CYP39A1: variants seen among roughly 807,000 people sequenced by gnomAD.
CYP39A1 encodes the protein 24-hydroxycholesterol 7-alpha-hydroxylase.
Under a neutral mutation model 58.1 loss-of-function variants are expected in CYP39A1, and 49 were observed. The observed-to-expected ratio is 0.84, with a 90% CI of 0.67 to 1.07. The LOEUF is 1.07. Among genes scored for constraint, CYP39A1 ranks in the 50% least tolerant of loss-of-function variants. CYP39A1 has a pLI of 0.00. For missense variants in CYP39A1, 531 were observed against 539.4 expected (o/e 0.98, Z 0.16); for synonymous variants, 209 against 187.6 (o/e 1.11, Z -0.93).
chr6:46,649,932 G>A (rs1220122027), intron 1 of CYP39A1, among the ~76,000 whole-genome samples: 1 of 152,192 alleles, frequency 6.6e-6, no homozygotes, highest in Non-Finnish European at 1.5e-5. Context: ...GTTAGCTAAT[G>A]ATGGAGTTTT....
chr6:46,587,943 T>C (rs1772569439), intron 9 of CYP39A1, 91 bp downstream of exon 9: 4 of 696,766 alleles, frequency 5.7e-6, no homozygotes, highest in Non-Finnish European at 9.1e-6. Context: ...GCTGCTTAAT[T>C]ATATAGTCCT....
At position 46,567,078 on chromosome 6, in the gene CYP39A1, C is replaced by T. The variant is rs377751728; in HGVS notation, c.1251-13224G>A. Among the ~76,000 whole-genome samples the T allele has an allele frequency of 4.6e-5, 7 of 152,162 alleles. No homozygotes were observed. In the East Asian group the frequency reaches 7.7e-4, roughly 17 times the overall value. On this transcript the variant is annotated intron_variant, in intron 10 of 11. Transcript: ENST00000275016. ...TATTAATTATAGTGACCATACTGTA[C>T]ATTAGGTCTCCAGAACTTATTAATC...
chr6:46,557,732 T>C (rs1199773625), intron 10 of CYP39A1, among the ~76,000 whole-genome samples: 1 of 145,834 alleles, frequency 6.9e-6, no homozygotes, highest in Admixed American at 6.8e-5. Context: ...AAGTCAGGAG[T>C]TCAAGACCAG....
chr6:46,566,322 T>C (rs1771272993), intron 10 of CYP39A1, among the ~76,000 whole-genome samples: 2 of 152,084 alleles, frequency 1.3e-5, no homozygotes, highest in Non-Finnish European at 2.9e-5. Context: ...GACTGGACAA[T>C]CTATAAAGGA....
intron 1 of CYP39A1, among the ~76,000 whole-genome samples, chr6:46,648,810 G>T (rs929737474): frequency 2.0e-5 from 3 of 150,752 alleles, no homozygotes; most frequent in African/African-American, 7.3e-5. Flanking sequence ...GTTGGTAAAA[G>T]TTAAAAAAAA....
chr6:46,550,784 C>T (rs1198019095), intron 11 of CYP39A1, among the ~76,000 whole-genome samples: 4 of 152,144 alleles, frequency 2.6e-5, no homozygotes, highest in East Asian at 3.9e-4. Flanking sequence ...CATTTAGAAT[C>T]GCTGAGTGAG....
intron 5 of CYP39A1, among the ~76,000 whole-genome samples, chr6:46,635,522 G>A (rs1465032928): frequency 6.6e-6 from 1 of 152,194 alleles, no homozygotes; most frequent in African/African-American, 2.4e-5. Flanking sequence ...GCTTGTTAAA[G>A]CAGATTGTCT....
At chr6:46,629,019 C>T (rs1775492094) in intron 6 of CYP39A1, among the ~76,000 whole-genome samples, 2 of 152,176 alleles carry the variant, frequency 1.3e-5, no homozygotes, top group African/African-American at 4.8e-5. Flanking sequence ...GATAAGGGCA[C>T]TGAGGCTTGG....
At chr6:46,600,708 A>G (rs1773440661) in intron 7 of CYP39A1, among the ~76,000 whole-genome samples, 1 of 152,154 alleles carries the variant, frequency 6.6e-6, no homozygotes, top group Non-Finnish European at 1.5e-5. Flanking sequence ...AACACACCCA[A>G]CTTCAGAGAA....
intron 7 of CYP39A1, among the ~76,000 whole-genome samples, chr6:46,608,008 G>A (rs1037483124): frequency 2.8e-4 from 43 of 152,036 alleles, no homozygotes; most frequent in Admixed American, 1.1e-3. Context: ...GAATGAACTT[G>A]GAATAAATAT....
intron 10 of CYP39A1, among the ~76,000 whole-genome samples, chr6:46,586,041 A>G (rs1772456919): frequency 6.6e-6 from 1 of 152,132 alleles, no homozygotes; most frequent in African/African-American, 2.4e-5. Flanking sequence ...CCATTTGCTT[A>G]GGCTTAGATT....
At chr6:46,637,598 T>A (rs1383395204) in intron 4 of CYP39A1, among the ~76,000 whole-genome samples, 2 of 152,162 alleles carry the variant, frequency 1.3e-5, no homozygotes, top group African/African-American at 4.8e-5. Flanking sequence ...AAATTCTTAA[T>A]CCCATCGATC....
intron 7 of CYP39A1, among the ~76,000 whole-genome samples, chr6:46,620,901 CTAAACAAT>C (rs1447504994): frequency 7.0e-6 from 1 of 142,608 alleles, no homozygotes; most frequent in Non-Finnish European, 1.5e-5. Flanking sequence ...AGGAAAATAA[CTAAACAAT>C]CAAACAAACA....
intron 10 of CYP39A1, among the ~76,000 whole-genome samples, chr6:46,558,528 A>T (rs1770780848): frequency 6.6e-6 from 1 of 152,148 alleles, no homozygotes; most frequent in Admixed American, 6.5e-5. Context: ...CTCCTCCTCC[A>T]AATGTGGAGA....
chr6:46,645,255 G>A (rs536618521), intron 1 of CYP39A1, among the ~76,000 whole-genome samples: 6 of 151,992 alleles, frequency 3.9e-5, no homozygotes, highest in Admixed American at 6.6e-5. Context: ...CTTTCTACAG[G>A]TTTTATATCT....
chr6:46,625,329 T>A, intron 7 of CYP39A1, 89 bp downstream of exon 7: 1 of 876,484 alleles, frequency 1.1e-6, no homozygotes, highest in South Asian at 2.3e-5. Flanking sequence ...TGTTGAATTT[T>A]TATAAAATTA....
chr6:46,647,726 C>T (rs1410178812), intron 1 of CYP39A1, among the ~76,000 whole-genome samples: 1 of 152,160 alleles, frequency 6.6e-6, no homozygotes, highest in Non-Finnish European at 1.5e-5. Context: ...GTAATGTTTC[C>T]AGTGATGATG....
At chr6:46,564,217 A>C (rs1771156903) in intron 10 of CYP39A1, among the ~76,000 whole-genome samples, 1 of 148,236 alleles carries the variant, frequency 6.7e-6, no homozygotes, top group South Asian at 2.1e-4. Context: ...TTTAAGACAG[A>C]GTCTCCCTCT....
intron 7 of CYP39A1, among the ~76,000 whole-genome samples, chr6:46,604,501 T>C (rs1189051383): frequency 2.6e-5 from 4 of 152,200 alleles, no homozygotes; most frequent in Non-Finnish European, 5.9e-5. Context: ...CATGTCTTCT[T>C]TCACCTATTT....
Sources: gnomAD v4.1 joint callset for allele counts (sites outside exome capture counted in the v4.1 genomes callset) on GRCh38, gnomAD v4.1.1 for gene constraint, MANE v1.5 for transcripts, NCBI Gene and HGNC (gene_info 2026-07-23, HGNC 2026-07-21) for gene names.